The following SLC35A1 variants were observed in gnomAD, a reference collection of about 807,000 sequenced individuals.
The protein encoded by SLC35A1 is CMP-sialic acid transporter.
SLC35A1 carries 21 observed loss-of-function variants against 40.3 expected under a neutral mutation model. The observed-to-expected ratio is 0.52, with a 90% CI of 0.37 to 0.75. The LOEUF (loss-of-function observed/expected upper bound fraction) is 0.75. Among genes scored for constraint, SLC35A1 ranks in the 30% least tolerant of loss-of-function variants. The pLI, the probability that SLC35A1 is intolerant of heterozygous loss-of-function variation, is 0.00. For synonymous variants in SLC35A1, 146 were observed against 147.3 expected (o/e 0.99, Z 0.06); for missense variants, 297 against 382.1 (o/e 0.78, Z 1.86).
intron 4 of SLC35A1, among the ~76,000 whole-genome samples, chr6:87,504,155 G>A (rs905273164): frequency 6.6e-6 from 1 of 151,934 alleles, no homozygotes; most frequent in Non-Finnish European, 1.5e-5. Context: ...GCTAGATGTG[G>A]TGATGCATGC....
chr6:87,508,754 T>A, intron 6 of SLC35A1, 158 bp downstream of exon 6: 1 of 815,942 alleles, frequency 1.2e-6, no homozygotes, highest in Non-Finnish European at 1.9e-6. Flanking sequence ...GTTTTGATTG[T>A]GAAGGCAAAA....
intron 2 of SLC35A1, chr6:87,488,337 TCTGG>T (rs1467035337): frequency 1.3e-5 from 2 of 152,336 alleles, no homozygotes; most frequent in East Asian, 3.9e-4. Context: ...ATTGCTGTTT[TCTGG>T]ACAGGATAAC....
intron 6 of SLC35A1, 195 bp downstream of exon 6, chr6:87,508,791 A>G (rs1770166505): frequency 1.4e-6 from 1 of 703,242 alleles, no homozygotes; most frequent in Non-Finnish European, 2.3e-6. Flanking sequence ...ATGCCCCAAA[A>G]TATCTAACAT....
At chr6:87,483,514 G>C (rs116320970) in intron 2 of SLC35A1, among the ~76,000 whole-genome samples, 1 of 152,028 alleles carries the variant, frequency 6.6e-6, no homozygotes, top group Non-Finnish European at 1.5e-5. Context: ...TCAACCCCTC[G>C]TAATGGGGAT....
At chr6:87,473,872 C>T (rs955916225) in intron 1 of SLC35A1, among the ~76,000 whole-genome samples, 1 of 152,232 alleles carries the variant, frequency 6.6e-6, no homozygotes, top group African/African-American at 2.4e-5. Flanking sequence ...TGGCTTCACC[C>T]TTGAATAAAT....
chr6:87,502,801 C>T (rs1427093707), intron 4 of SLC35A1, among the ~76,000 whole-genome samples: 1 of 152,020 alleles, frequency 6.6e-6, no homozygotes, highest in Non-Finnish European at 1.5e-5. Flanking sequence ...ATCTTGTATC[C>T]CTCTCACCCC....
chr6:87,500,872 C>T (rs183406630), intron 3 of SLC35A1, among the ~76,000 whole-genome samples: 2 of 151,936 alleles, frequency 1.3e-5, no homozygotes, highest in African/African-American at 2.4e-5. Context: ...CTCAGCCTCC[C>T]GCGTAGCTGG....
chr6:87,504,860 C>A (rs1026095520), intron 4 of SLC35A1, among the ~76,000 whole-genome samples: 12 of 152,206 alleles, frequency 7.9e-5, no homozygotes, highest in African/African-American at 2.9e-4. Flanking sequence ...GTATCTCACA[C>A]TATGATTTTA....
At chr6:87,494,192 A>G (rs1769646299) in intron 2 of SLC35A1, among the ~76,000 whole-genome samples, 2 of 152,028 alleles carry the variant, frequency 1.3e-5, no homozygotes, top group Admixed American at 6.6e-5. Context: ...GATACCATAT[A>G]TACCAGTCTG....
At chr6:87,473,474 C>G (rs1768978455) in intron 1 of SLC35A1, among the ~76,000 whole-genome samples, 1 of 152,220 alleles carries the variant, frequency 6.6e-6, no homozygotes, top group South Asian at 2.1e-4. Context: ...GGGCGCAGAT[C>G]CCATGCGGCG....
chr6:87,504,134 T>C (rs74335816), intron 4 of SLC35A1, among the ~76,000 whole-genome samples: 13,762 of 152,006 alleles, frequency 0.091, 659 homozygotes, highest in African/African-American at 0.12. Flanking sequence ...TACAAAAAAA[T>C]TTAAAACTTA....
At chr6:87,482,006 C>G (rs185916646) in intron 2 of SLC35A1, among the ~76,000 whole-genome samples, 195 of 152,260 alleles carry the variant, frequency 1.3e-3, no homozygotes, top group Non-Finnish European at 2.2e-3. Context: ...TCATTATACA[C>G]CTTGCACATA....
intron 2 of SLC35A1, chr6:87,488,690 A>C (rs141677483): frequency 6.6e-6 from 1 of 152,310 alleles, no homozygotes; most frequent in African/African-American, 2.4e-5. Context: ...AGCAGAGGCA[A>C]TTGTAGCTCC....
intron 2 of SLC35A1, chr6:87,499,083 C>G: frequency 1.0e-6 from 1 of 976,614 alleles, no homozygotes; most frequent in Non-Finnish European, 1.2e-6. Context: ...TCTTTTGTTT[C>G]TGTGGCTTAG....
chr6:87,507,605 T>G (rs1347137559), intron 5 of SLC35A1, among the ~76,000 whole-genome samples: 1 of 152,166 alleles, frequency 6.6e-6, no homozygotes, highest in African/African-American at 2.4e-5. Context: ...AAAAATAATC[T>G]TGTTTTTCGT....
chr6:87,511,237 C>G (rs1562028793), intron 7 of SLC35A1, among the ~76,000 whole-genome samples, 162 bp from the exon 8 acceptor site: 1 of 151,666 alleles, frequency 6.6e-6, no homozygotes, highest in African/African-American at 2.4e-5. Context: ...TCCCCCTCTC[C>G]TTTTTTTTGG....
rs554699596 is a variant in SLC35A1, at chr6:87,493,340, G to A, written c.195-7168G>A. 1.3e-3 allele frequency among the ~76,000 whole-genome samples: 195 copies of A among 152,110 alleles called. 1 individual carries two copies. Among genetic ancestry groups the A allele is most frequent in the Non-Finnish European group, 2.3e-3 (155 of 68,006 alleles). ...TCCTTTTTTTTCCAGAATGGTATTT[G>A]GAAACCAGAATCTAGGCATTTGGTA... On this transcript the variant is annotated intron_variant, in intron 2 of 7. Coordinates refer to ENST00000369552, the MANE Select transcript of SLC35A1 (RefSeq NM_006416.5).
intron 2 of SLC35A1, among the ~76,000 whole-genome samples, chr6:87,493,650 G>T (rs11962148): frequency 0.4 from 60,452 of 151,982 alleles, 12,233 homozygotes; most frequent in African/African-American, 0.47. Context: ...GAATAGATAA[G>T]GAGTAGTTTC....
intron 2 of SLC35A1, among the ~76,000 whole-genome samples, chr6:87,498,296 TAC>T (rs1414950837): frequency 6.6e-6 from 1 of 152,160 alleles, no homozygotes; most frequent in Non-Finnish European, 1.5e-5. Context: ...TTGCACTTCA[TAC>T]AGTCTGTAAA....
Sources: gnomAD v4.1 joint callset for allele counts (sites outside exome capture counted in the v4.1 genomes callset) on GRCh38, gnomAD v4.1.1 for gene constraint, MANE v1.5 for transcripts, NCBI Gene and HGNC (gene_info 2026-07-23, HGNC 2026-07-21) for gene names.